FARS2: variants seen among roughly 807,000 people sequenced by gnomAD.
FARS2 encodes the protein phenylalanyl-tRNA synthetase 2, mitochondrial.
Under a neutral mutation model 46.4 loss-of-function variants are expected in FARS2, and 40 were observed. That is an observed-to-expected ratio of 0.86 (90% CI 0.67 to 1.12). FARS2 has a LOEUF of 1.12. Ranked by LOEUF, FARS2 falls within the 50% of genes most tolerant of loss-of-function variation. The pLI, the probability that FARS2 is intolerant of heterozygous loss-of-function variation, is 0.00. For synonymous variants in FARS2, 234 were observed against 214.9 expected (o/e 1.09, Z -0.78); for missense variants, 513 against 567.9 (o/e 0.90, Z 0.98).
At chr6:5,278,905 C>T (rs978814344) in intron 1 of FARS2, among the ~76,000 whole-genome samples, 1 of 152,174 alleles carries the variant, frequency 6.6e-6, no homozygotes, top group Non-Finnish European at 1.5e-5. Context: ...TTCAGGCATC[C>T]TCAGGAGGCC....
intron 2 of FARS2, among the ~76,000 whole-genome samples, chr6:5,403,115 C>T (rs540272306): frequency 1.1e-4 from 17 of 152,252 alleles, no homozygotes; most frequent in African/African-American, 3.4e-4. Context: ...CATTGACAGC[C>T]GTCATTGTCT....
intron 6 of FARS2, among the ~76,000 whole-genome samples, chr6:5,627,339 A>C (rs1776085717): frequency 6.6e-6 from 1 of 152,248 alleles, no homozygotes; most frequent in Non-Finnish European, 1.5e-5. Context: ...TTTCCCCTAA[A>C]GGAAATAACA....
chr6:5,296,385 C>T (rs1157878650), intron 1 of FARS2, among the ~76,000 whole-genome samples: 1 of 152,064 alleles, frequency 6.6e-6, no homozygotes, highest in Admixed American at 6.5e-5. Context: ...TCGTGATCCG[C>T]CCGCCTTGGC....
intron 3 of FARS2, among the ~76,000 whole-genome samples, chr6:5,425,751 T>C (rs150479600): frequency 6.6e-6 from 1 of 152,236 alleles, no homozygotes; most frequent in Non-Finnish European, 1.5e-5. Context: ...ACTTGAGTGA[T>C]TGCTTCTGGA....
intron 4 of FARS2, among the ~76,000 whole-genome samples, chr6:5,503,271 G>A (rs1269196017): frequency 6.6e-6 from 1 of 151,322 alleles, no homozygotes; most frequent in East Asian, 1.9e-4. Context: ...ACATGAAGTT[G>A]CAGTTATGAA....
intron 1 of FARS2, among the ~76,000 whole-genome samples, chr6:5,314,403 G>T (rs1410401657): frequency 6.6e-6 from 1 of 152,134 alleles, no homozygotes; most frequent in Non-Finnish European, 1.5e-5. Context: ...GGGAGAAAGG[G>T]ATGATCCTGG....
intron 1 of FARS2, among the ~76,000 whole-genome samples, chr6:5,367,739 G>A (rs1349232616): frequency 2.6e-5 from 4 of 152,254 alleles, no homozygotes; most frequent in African/African-American, 9.6e-5. Flanking sequence ...TTGTGGGTGT[G>A]TAGTAGAAAT....
At chr6:5,466,452 T>C in intron 4 of FARS2, 2 of 884,684 alleles carry the variant, frequency 2.3e-6, no homozygotes, top group Non-Finnish European at 2.7e-6. Flanking sequence ...TAGTCAGCTC[T>C]ATATTCCCAG....
chr6:5,497,544 A>G (rs574266658), intron 4 of FARS2, among the ~76,000 whole-genome samples: 1 of 152,366 alleles, frequency 6.6e-6, no homozygotes, highest in South Asian at 2.1e-4. Context: ...TTCATTAATA[A>G]TAGAAATAAA....
chr6:5,422,360 TTCTCTC>T (rs149247829), intron 3 of FARS2, among the ~76,000 whole-genome samples: 2 of 151,124 alleles, frequency 1.3e-5, no homozygotes, highest in Non-Finnish European at 3.0e-5. Context: ...GCCTGTTTGG[TTCTCTC>T]TCTCTCTCTC....
intron 6 of FARS2, among the ~76,000 whole-genome samples, chr6:5,669,694 G>A (rs965080934): frequency 6.6e-6 from 1 of 152,158 alleles, no homozygotes; most frequent in African/African-American, 2.4e-5. Context: ...ATCCTGCCCT[G>A]CTAGTCATTT....
At chr6:5,544,056 C>T (rs1770800468) in intron 4 of FARS2, among the ~76,000 whole-genome samples, 2 of 152,080 alleles carry the variant, frequency 1.3e-5, no homozygotes, top group South Asian at 4.1e-4. Context: ...TACTCTGAAG[C>T]TGGGGTGCTA....
At chr6:5,698,121 G>A (rs549198261) in intron 6 of FARS2, among the ~76,000 whole-genome samples, 24 of 152,180 alleles carry the variant, frequency 1.6e-4, no homozygotes, top group African/African-American at 5.5e-4. Context: ...TACTCACAAG[G>A]TTTATTAGAC....
intron 4 of FARS2, among the ~76,000 whole-genome samples, chr6:5,512,423 C>T (rs138332777): frequency 1.6e-3 from 246 of 152,168 alleles, no homozygotes; most frequent in African/African-American, 5.6e-3. Flanking sequence ...ATAATTTATT[C>T]TGATTTTACC....
chr6:5,480,486 A>G (rs576457402), intron 4 of FARS2, among the ~76,000 whole-genome samples: 12 of 152,266 alleles, frequency 7.9e-5, no homozygotes, highest in Non-Finnish European at 1.6e-4. Flanking sequence ...GACCTGAGAT[A>G]TACTAAAATT....
At chr6:5,375,082 CAGT>C (rs1222298163) in intron 2 of FARS2, among the ~76,000 whole-genome samples, 1 of 151,848 alleles carries the variant, frequency 6.6e-6, no homozygotes, top group African/African-American at 2.4e-5. Flanking sequence ...CTAGCTTATG[CAGT>C]AAGCCAGAAA....
chr6:5,398,227 T>C (rs1202484682), intron 2 of FARS2, among the ~76,000 whole-genome samples: 1 of 152,212 alleles, frequency 6.6e-6, no homozygotes, highest in African/African-American at 2.4e-5. Context: ...GAAATTATTG[T>C]GGTGTTTGTC....
chr6:5,369,184 T>C lies in FARS2; in HGVS notation c.612+2T>C. 6.2e-7 allele frequency: 1 copy of C among 1,603,900 alleles called. No individual in the cohort carries two copies. The highest frequency in any genetic ancestry group is 8.5e-7 in the Non-Finnish European group (1 of 1,179,454). ...GTGCGGCTCTTCTCCAAGCATGAGG[T>C]GAGTCTTGAGATGTTTCTCATCGCT... On this transcript the variant is annotated splice_donor_variant, in intron 2 of 6. Transcript: ENST00000274680. LOFTEE classifies it high-confidence loss of function.
Position 5,645,663 on chromosome 6 carries a change from G to A in FARS2, c.1217+32343G>A, listed in dbSNP as rs549792920. On this transcript the variant is annotated intron_variant, in intron 6 of 6. Transcript: ENST00000274680. Reference sequence around the variant, plus strand: ...TGGAGGCTGTCAGATTTAAGAAGGTGGCCTGCCCTGAGAACTGGGGGAGCT... The same window carrying A: ...TGGAGGCTGTCAGATTTAAGAAGGTAGCCTGCCCTGAGAACTGGGGGAGCT... Among the ~76,000 whole-genome samples, 3 of 152,326 alleles carry A rather than the reference G, an allele frequency of 2.0e-5. No individual in the cohort carries two copies. The East Asian group carries it at 5.8e-4, about 29-fold the overall frequency.
Sources: gnomAD v4.1 joint callset for allele counts (sites outside exome capture counted in the v4.1 genomes callset) on GRCh38, gnomAD v4.1.1 for gene constraint, MANE v1.5 for transcripts, NCBI Gene and HGNC (gene_info 2026-07-23, HGNC 2026-07-21) for gene names.